POLR1A: variants seen among roughly 807,000 people sequenced by gnomAD.
POLR1A encodes the protein RNA polymerase I subunit A, also known as DNA-directed RNA polymerase I subunit RPA1.
A neutral mutation model predicts 205.3 loss-of-function variants in POLR1A; 84 were observed. That is an observed-to-expected ratio of 0.41 (90% CI 0.34 to 0.49). The LOEUF is 0.49. POLR1A is among the 20% of genes least tolerant of loss of function. POLR1A has a pLI of 0.22. For synonymous variants in POLR1A, 799 were observed against 863.7 expected (o/e 0.93, Z 1.31); for missense variants, 1,645 against 2,204.5 (o/e 0.75, Z 5.08).
chr2:86,043,261 G>C (rs1288205305), intron 22 of POLR1A, 66 bp from the exon 23 acceptor site: 6 of 1,347,146 alleles, frequency 4.5e-6, no homozygotes, highest in African/African-American at 4.3e-5. Context: ...ATGAGGGCGT[G>C]ACAAGAGGGC....
rs554508920 is a variant in POLR1A, at chr2:86,076,841, G to T, written c.1380+1018C>A. Among the ~76,000 whole-genome samples, 3 of 152,344 alleles carry T rather than the reference G, an allele frequency of 2.0e-5. No homozygotes were observed. In the South Asian group the frequency reaches 6.2e-4, roughly 32 times the overall value. The stretch of plus-strand genomic sequence containing the variant: ...CCCTGTCCAGAGAGGGCAACCAAAA[G>T]TTGCTACATGTCTCCTCGGGACCTC... On this transcript the variant is annotated intron_variant, in intron 11 of 33. Coordinates refer to ENST00000263857, the MANE Select transcript of POLR1A (RefSeq NM_015425.6).
chr2:86,096,440 A>G (rs1474747156), intron 3 of POLR1A, among the ~76,000 whole-genome samples: 1 of 152,164 alleles, frequency 6.6e-6, no homozygotes, highest in East Asian at 1.9e-4. Context: ...TAACATTTGT[A>G]TAGAACCATA....
chr2:86,023,216 G>A lies in POLR1A; in HGVS notation c.*4207C>T, dbSNP rs1690183540. On this transcript the variant is annotated 3_prime_UTR_variant, in exon 34 of 34. Coordinates refer to ENST00000263857, the MANE Select transcript of POLR1A (RefSeq NM_015425.6). ...AAGTAAAACTGCACCAGGGTCAGGA[G>A]ACCTGCGGTAGGCCCAGCAACTCTG... The A allele has an allele frequency of 2.0e-5, 3 of 152,230 alleles. No individual in the cohort carries two copies. The highest frequency in any genetic ancestry group is 2.0e-4 in the Admixed American group (3 of 15,288). 9.4% of individuals were successfully genotyped at this position (152,230 alleles called of 1,614,324 possible). A position where few individuals can be genotyped will look rare whatever the true frequency, so the allele number is the denominator to read the frequency against.
chr2:86,036,404 C>T (rs945824781), intron 27 of POLR1A, among the ~76,000 whole-genome samples: 2 of 152,256 alleles, frequency 1.3e-5, no homozygotes, highest in Admixed American at 6.5e-5. Context: ...ACCTAGGGAA[C>T]CATCTGTCTC....
chr2:86,043,862 G>A (rs769976785), intron 22 of POLR1A, among the ~76,000 whole-genome samples: 1 of 152,160 alleles, frequency 6.6e-6, no homozygotes, highest in African/African-American at 2.4e-5. Flanking sequence ...TTGATAGTGT[G>A]CTTTAGCTGA....
intron 14 of POLR1A, among the ~76,000 whole-genome samples, chr2:86,062,958 AAC>A (rs1281400784): frequency 6.6e-6 from 1 of 152,220 alleles, no homozygotes; most frequent in Non-Finnish European, 1.5e-5. Flanking sequence ...TTCCCTGAAA[AAC>A]ACAAACAATT....
chr2:86,031,276 G>T, intron 30 of POLR1A, 54 bp downstream of exon 30: 4 of 1,507,988 alleles, frequency 2.7e-6, no homozygotes, highest in Non-Finnish European at 3.5e-6. Flanking sequence ...TCCACAGAGG[G>T]ATTTGGCCAG....
intron 24 of POLR1A, among the ~76,000 whole-genome samples, chr2:86,041,148 A>AGT (rs1672592407): frequency 7.5e-6 from 1 of 133,186 alleles, no homozygotes; most frequent in East Asian, 2.3e-4. Flanking sequence ...GCTGAGCTAC[A>AGT]CTGTGTGTGT....
chr2:86,045,482 C>T, intron 20 of POLR1A, 122 bp from the exon 21 acceptor site: 2 of 1,268,768 alleles, frequency 1.6e-6, no homozygotes, highest in Non-Finnish European at 2.3e-6. Context: ...TCCCTGATCT[C>T]CTAGGACTTT....
intron 2 of POLR1A, among the ~76,000 whole-genome samples, chr2:86,098,981 T>C (rs1225773213): frequency 6.6e-6 from 1 of 152,152 alleles, no homozygotes; most frequent in Non-Finnish European, 1.5e-5. Context: ...AGATTTGAAA[T>C]TTACTTTGGG....
chr2:86,032,648 T>C (rs1349718806), intron 28 of POLR1A, among the ~76,000 whole-genome samples: 1 of 151,454 alleles, frequency 6.6e-6, no homozygotes, highest in Admixed American at 6.6e-5. Flanking sequence ...TTCCCAAAAA[T>C]TAAAAAAAAA....
chr2:86,072,751 G>C (rs1243456602), intron 12 of POLR1A, among the ~76,000 whole-genome samples: 1 of 152,200 alleles, frequency 6.6e-6, no homozygotes, highest in Non-Finnish European at 1.5e-5. Flanking sequence ...CCAGGGGATG[G>C]GGCAGAGCTT....
At chr2:86,101,829 TTC>T (rs1442309257) in intron 1 of POLR1A, among the ~76,000 whole-genome samples, 1 of 152,164 alleles carries the variant, frequency 6.6e-6, no homozygotes, top group Non-Finnish European at 1.5e-5. Context: ...TCATTTTACT[TTC>T]TGTTTTGATT....
At chr2:86,077,646 A>C (rs1295551929) in intron 11 of POLR1A, among the ~76,000 whole-genome samples, 2 of 152,254 alleles carry the variant, frequency 1.3e-5, no homozygotes, top group East Asian at 3.9e-4. Flanking sequence ...GAGTGACAGC[A>C]ATGCCATCAT....
chr2:86,027,560 G>A (rs767229425), intron 33 of POLR1A, 37 bp from the exon 34 acceptor site: 2 of 1,558,412 alleles, frequency 1.3e-6, no homozygotes, highest in South Asian at 2.2e-5. Context: ...AGGGTGTTGA[G>A]GTAGAAGTTG....
chr2:86,093,107 A>G (rs1352092806), intron 3 of POLR1A, among the ~76,000 whole-genome samples: 9 of 152,258 alleles, frequency 5.9e-5, no homozygotes, highest in Admixed American at 5.9e-4. Flanking sequence ...GAGCCAAATT[A>G]TCTGAAAATT....
rs370258399 is a variant in POLR1A, at chr2:86,030,321, C to G, written c.4654G>C (p.Val1552Leu). Residue 1552 changes from valine to leucine, a missense_variant, in exon 31 of 34, where the codon GTC becomes CTC. Transcript: ENST00000263857. ...SLVVSLAHGA[V>L]IYATKGITRC... ...GTGATGCCCTTGGTCGCATAGATGA[C>G]GGCACCATGGGCCAAAGATACTACC... 2.9e-5 allele frequency: 47 copies of G among 1,613,736 alleles called. No individual in the cohort carries two copies. The highest frequency in any genetic ancestry group is 4.0e-5 in the Non-Finnish European group (47 of 1,179,750).
chr2:86,098,569 C>T, intron 3 of POLR1A, 42 bp downstream of exon 3: 1 of 1,604,332 alleles, frequency 6.2e-7, no homozygotes. Context: ...CCCCACACCA[C>T]TTTGCCTTTT....
chr2:86,074,698 C>T (rs1442028043), intron 12 of POLR1A, among the ~76,000 whole-genome samples: 3 of 152,144 alleles, frequency 2.0e-5, no homozygotes, highest in Non-Finnish European at 4.4e-5. Flanking sequence ...TGCAGAAGAA[C>T]CCCCTGGAAA....
Sources: gnomAD v4.1 joint callset for allele counts (sites outside exome capture counted in the v4.1 genomes callset) on GRCh38, gnomAD v4.1.1 for gene constraint, MANE v1.5 for transcripts, NCBI Gene and HGNC (gene_info 2026-07-23, HGNC 2026-07-21) for gene names.